UBE2G1: variants seen among roughly 807,000 people sequenced by gnomAD.
UBE2G1 encodes the protein ubiquitin conjugating enzyme E2 G1, also known as ubiquitin-conjugating enzyme E2 G1.
A neutral mutation model predicts 22.7 loss-of-function variants in UBE2G1; 5 were observed. The observed-to-expected ratio is 0.22, with a 90% CI of 0.12 to 0.46. The LOEUF (loss-of-function observed/expected upper bound fraction) is 0.46, where lower values mean the gene tolerates loss of function less well. UBE2G1 is among the 20% of genes least tolerant of loss of function. The pLI is 0.99. For synonymous variants in UBE2G1, 74 were observed against 67.5 expected, an observed-to-expected ratio of 1.10 and a Z score of -0.47; for missense variants, 88 against 203.9, an observed-to-expected ratio of 0.43 and a Z score of 3.46.
At chr17:4,343,912 A>G (rs2052489309) in intron 1 of UBE2G1, among the ~76,000 whole-genome samples, 1 of 152,150 alleles carries the variant, frequency 6.6e-6, no homozygotes, top group African/African-American at 2.4e-5. Flanking sequence ...AGAGGAGCAG[A>G]AACATTTATA....
chr17:4,366,164 C>G, intron 1 of UBE2G1, 107 bp downstream of exon 1: 2 of 1,235,996 alleles, frequency 1.6e-6, no homozygotes, highest in South Asian at 3.3e-5. Context: ...CTCGCAGGCC[C>G]GGGCCCCTTC....
At chr17:4,299,960 A>G (rs1444303697) in intron 2 of UBE2G1, among the ~76,000 whole-genome samples, 2 of 151,116 alleles carry the variant, frequency 1.3e-5, no homozygotes, top group African/African-American at 4.9e-5. Context: ...CCAAGTACCT[A>G]GGATTACAAG....
chr17:4,365,337 C>G (rs1970019692), intron 1 of UBE2G1, among the ~76,000 whole-genome samples: 1 of 152,264 alleles, frequency 6.6e-6, no homozygotes. Flanking sequence ...ACTCCGCACA[C>G]GGACGTCTCC....
At chr17:4,322,641 A>G (rs543896823) in intron 1 of UBE2G1, among the ~76,000 whole-genome samples, 18 of 152,306 alleles carry the variant, frequency 1.2e-4, no homozygotes, top group African/African-American at 4.3e-4. Context: ...AGGTGAACCT[A>G]TGTAAGAGGC....
chr17:4,291,869 G>A (rs753477794), intron 3 of UBE2G1, among the ~76,000 whole-genome samples: 2 of 152,138 alleles, frequency 1.3e-5, no homozygotes, highest in Non-Finnish European at 2.9e-5. Context: ...TAACCTGTAT[G>A]TCCTTCCTCT....
At chr17:4,329,411 A>G (rs867479141) in intron 1 of UBE2G1, among the ~76,000 whole-genome samples, 5 of 151,602 alleles carry the variant, frequency 3.3e-5, no homozygotes, top group Non-Finnish European at 7.4e-5. Context: ...AAAAAAAATT[A>G]GCCGGGCATG....
chr17:4,303,947 GTT>G (rs1207845002), intron 2 of UBE2G1, among the ~76,000 whole-genome samples: 4 of 152,270 alleles, frequency 2.6e-5, no homozygotes, highest in African/African-American at 9.6e-5. Context: ...AGAGATAAAA[GTT>G]ATACAGTCAT....
intron 1 of UBE2G1, among the ~76,000 whole-genome samples, chr17:4,363,222 G>A (rs1969989015): frequency 1.3e-5 from 2 of 152,082 alleles, no homozygotes; most frequent in South Asian, 4.2e-4. Context: ...CATTTGCCTT[G>A]CCCTACTACT....
intron 1 of UBE2G1, among the ~76,000 whole-genome samples, chr17:4,316,018 T>C (rs1969366820): frequency 2.0e-5 from 3 of 151,886 alleles, no homozygotes; most frequent in African/African-American, 2.4e-5. Flanking sequence ...GGTTTCACCG[T>C]GGTCTCGATC....
chr17:4,283,020 G>T, intron 4 of UBE2G1, 99 bp from the exon 5 acceptor site: 2 of 998,874 alleles, frequency 2.0e-6, no homozygotes, highest in Non-Finnish European at 1.5e-6. Flanking sequence ...TTGGTGATTT[G>T]TACACTTCAG....
intron 1 of UBE2G1, among the ~76,000 whole-genome samples, chr17:4,353,662 G>A (rs1322250879): frequency 1.3e-5 from 2 of 151,680 alleles, no homozygotes; most frequent in Non-Finnish European, 2.9e-5. Flanking sequence ...ACAGGCACGT[G>A]CCACCACACC....
chr17:4,334,858 A>T (rs781127784), intron 1 of UBE2G1, among the ~76,000 whole-genome samples: 11 of 152,026 alleles, frequency 7.2e-5, no homozygotes, highest in Non-Finnish European at 1.0e-4. Flanking sequence ...AGTTTTTTTT[A>T]AAAGAGGAAA....
chr17:4,290,740 C>G (rs1216104380), intron 3 of UBE2G1, among the ~76,000 whole-genome samples: 3 of 150,024 alleles, frequency 2.0e-5, no homozygotes, highest in African/African-American at 4.9e-5. Context: ...CTCAGCCTCC[C>G]AAGTAGTTGG....
At chr17:4,302,134 T>C (rs1969189278) in intron 2 of UBE2G1, 1 of 524,724 alleles carries the variant, frequency 1.9e-6, no homozygotes, top group African/African-American at 1.9e-5. Flanking sequence ...TGCTATTGTG[T>C]TGCCATGTTC....
intron 1 of UBE2G1, among the ~76,000 whole-genome samples, chr17:4,321,733 C>A (rs1371059741): frequency 6.6e-6 from 1 of 152,078 alleles, no homozygotes; most frequent in Non-Finnish European, 1.5e-5. Flanking sequence ...GCTCGCCCCC[C>A]AACCCTGCCC....
At chr17:4,302,317 C>T in intron 2 of UBE2G1, 1 of 474,050 alleles carries the variant, frequency 2.1e-6, no homozygotes, top group Non-Finnish European at 4.3e-6. Flanking sequence ...CGTGTGGTTG[C>T]AGCCACTCTT....
At chr17:4,344,545 A>C (rs1969747836) in intron 1 of UBE2G1, among the ~76,000 whole-genome samples, 1 of 151,320 alleles carries the variant, frequency 6.6e-6, no homozygotes, top group South Asian at 2.1e-4. Context: ...CATATGAAGA[A>C]AGCTCTCAAA....
At chr17:4,308,629 C>T (rs1207582549) in intron 1 of UBE2G1, among the ~76,000 whole-genome samples, 2 of 152,228 alleles carry the variant, frequency 1.3e-5, no homozygotes, top group Non-Finnish European at 2.9e-5. Context: ...CAATCACCCA[C>T]ACAATTATCA....
At chr17:4,354,537 T>G (rs1360930007) in intron 1 of UBE2G1, among the ~76,000 whole-genome samples, 5 of 152,156 alleles carry the variant, frequency 3.3e-5, no homozygotes, top group Non-Finnish European at 5.9e-5. Context: ...AAATAAACTC[T>G]GAGAAGGCTG....
Sources: allele counts gnomAD v4.1 joint callset (sites outside exome capture counted in the v4.1 genomes callset), GRCh38; gene constraint gnomAD v4.1.1; transcripts MANE v1.5; gene names NCBI Gene and HGNC (gene_info 2026-07-23, HGNC 2026-07-21).